Variants in FAM107A observed in about 807,000 individuals in gnomAD.
FAM107A encodes actin-associated protein FAM107A.
FAM107A carries 19 observed loss-of-function variants against 13.7 expected under a neutral mutation model. That is an observed-to-expected ratio of 1.38 (90% CI 0.97 to 2.03). The LOEUF (loss-of-function observed/expected upper bound fraction) is 2.03, where lower values mean the gene tolerates loss of function less well. Among genes scored for constraint, FAM107A ranks in the 30% most tolerant of loss-of-function variants. The probability of loss-of-function intolerance (pLI) is 0.00; values close to 1 mark genes in which losing one functional copy is unlikely to be tolerated. For synonymous variants in FAM107A, 82 were observed against 74.5 expected (o/e 1.10, Z -0.52); for missense variants, 203 against 184.4 (o/e 1.10, Z -0.58).
chr3:58,592,346 T>C (rs886446911), intron 1 of FAM107A, among the ~76,000 whole-genome samples: 23 of 152,140 alleles, frequency 1.5e-4, no homozygotes, highest in African/African-American at 5.1e-4. Flanking sequence ...CTCCCAGACC[T>C]GGAGTTCAAA....
chr3:58,594,270 C>T (rs1252132042), intron 1 of FAM107A, among the ~76,000 whole-genome samples: 4 of 152,180 alleles, frequency 2.6e-5, no homozygotes, highest in Admixed American at 6.5e-5. Context: ...TGGCTACCTT[C>T]CCCTTGTTCT....
chr3:58,566,582 C>G lies in FAM107A; in HGVS notation c.*6G>C. ...GTGGGCAGTGGCCTGAGCCCGGCAG[C>G]TGGCCCTACAGCTCTCTCTCTTCGC... On this transcript the variant is annotated 3_prime_UTR_variant, in exon 4 of 4. Transcript: ENST00000360997. 1 of 1,609,148 alleles carries G rather than the reference C, an allele frequency of 6.2e-7. No individual in the cohort carries two copies. The highest frequency in any genetic ancestry group is 8.5e-7 in the Non-Finnish European group (1 of 1,176,186).
rs760765096 is a variant in FAM107A at position 58,604,697 on chromosome 3, G to A, written c.-69-15428C>T. Among the ~76,000 whole-genome samples, 3 of 152,168 alleles carry A rather than the reference G, an allele frequency of 2.0e-5. No individual in the cohort carries two copies. The highest frequency in any genetic ancestry group is 4.4e-5 in the Non-Finnish European group (3 of 68,024). On this transcript the variant is annotated intron_variant, in intron 1 of 3. Coordinates refer to the FAM107A transcript ENST00000465970. The surrounding 1 kb of genome is among the most constrained non-coding windows in gnomAD (Gnocchi z 4.1). ...TTGCTCACACGGAGATAAGCAGCTG[G>A]CATTTGTTGGGCATCTACTATGTGC...
chr3:58,626,408 G>A (rs562984952), intron 1 of FAM107A, among the ~76,000 whole-genome samples: 2 of 152,274 alleles, frequency 1.3e-5, no homozygotes, highest in South Asian at 4.1e-4. Context: ...AACATGAATA[G>A]AATTCTAATA....
upstream of FAM107A, chr3:58,589,331 T>A (rs2065636247): frequency 3.6e-6 from 4 of 1,100,132 alleles, no homozygotes; most frequent in Admixed American, 8.0e-5. Context: ...GAGGGAGGGG[T>A]GATATATTCA....
At chr3:58,588,547 T>C (rs1400792613), upstream of FAM107A, among the ~76,000 whole-genome samples, 1 of 152,218 alleles carries the variant, frequency 6.6e-6, no homozygotes. Context: ...GCCAGACTGA[T>C]CATGTCTGTC....
In FAM107A at chr3:58,583,579, G is replaced by A. The variant is rs1182608892; in HGVS notation, c.79+3279C>T. On this transcript the variant is annotated intron_variant, in intron 1 of 3. Transcript: ENST00000447756. ...AGAGGTTGCAGTGAGCTGAGATCCC[G>A]CCATTGCACTCCACCCTGGGCAACA... is the stretch of plus-strand genomic sequence containing the variant. 2.6e-5 allele frequency among the ~76,000 whole-genome samples: 4 copies of A among 151,366 alleles called. No individual in the cohort carries two copies. The East Asian group carries it at 5.8e-4, about 22-fold the overall frequency.
chr3:58,598,545 C>T (rs1298775839), intron 1 of FAM107A, among the ~76,000 whole-genome samples: 1 of 152,228 alleles, frequency 6.6e-6, no homozygotes, highest in Non-Finnish European at 1.5e-5. Context: ...CATACCTGGA[C>T]TTGGTGCATG....
rs537699423 is a variant in FAM107A at position 58,596,633 on chromosome 3, C to T, written c.-69-7364G>A. On this transcript the variant is annotated intron_variant, in intron 1 of 3. Transcript: ENST00000465970. ...GGTGGAGGTTGCAGTGAGCCCAGAT[C>T]GTGCCACTGCACTCCAGCCTGGGTG... 1.2e-3 allele frequency among the ~76,000 whole-genome samples: 176 copies of T among 150,248 alleles called. 1 individual carries two copies. The highest frequency in any genetic ancestry group is 4.1e-3 in the African/African-American group (168 of 40,646).
chr3:58,608,248 G>T (rs1281663641), intron 1 of FAM107A, among the ~76,000 whole-genome samples: 1 of 151,898 alleles, frequency 6.6e-6, no homozygotes, highest in Non-Finnish European at 1.5e-5. Flanking sequence ...ATAAATAGTA[G>T]TTAAGAGTTA....
chr3:58,627,369 G>C (rs2066029293), intron 1 of FAM107A: 1 of 237,840 alleles, frequency 4.2e-6, no homozygotes, highest in South Asian at 1.1e-4. Context: ...CTCAGGCGCG[G>C]CGGGTGACCT....
At chr3:58,598,647 T>G (rs1004432325) in intron 1 of FAM107A, among the ~76,000 whole-genome samples, 3 of 152,220 alleles carry the variant, frequency 2.0e-5, no homozygotes, top group African/African-American at 7.2e-5. Context: ...ACAACTCAGT[T>G]GCATACACAT....
intron 1 of FAM107A, among the ~76,000 whole-genome samples, chr3:58,611,308 C>T (rs770531281): frequency 3.0e-4 from 45 of 152,240 alleles, no homozygotes; most frequent in Non-Finnish European, 5.9e-4. Context: ...ATCCCCTTCA[C>T]TCCCCACTCC....
At chr3:58,584,276 G>A (rs2065580131) in intron 1 of FAM107A, among the ~76,000 whole-genome samples, 1 of 152,196 alleles carries the variant, frequency 6.6e-6, no homozygotes. Context: ...AGGAGGGGCA[G>A]ATCTGTTTTA....
At chr3:58,616,487 G>A (rs544926935) in intron 1 of FAM107A, among the ~76,000 whole-genome samples, 4 of 150,964 alleles carry the variant, frequency 2.6e-5, no homozygotes, top group Non-Finnish European at 5.9e-5. Flanking sequence ...CATTAGGGTA[G>A]GCCCTAATTG....
At chr3:58,592,114 C>T (rs547314568) in intron 1 of FAM107A, among the ~76,000 whole-genome samples, 3 of 152,154 alleles carry the variant, frequency 2.0e-5, no homozygotes, top group East Asian at 1.9e-4. Flanking sequence ...GGAGAGTGTT[C>T]GTGGTTTGGA....
chr3:58,612,847 G>T (rs796240607), intron 1 of FAM107A, among the ~76,000 whole-genome samples: 1 of 152,060 alleles, frequency 6.6e-6, no homozygotes, highest in South Asian at 2.1e-4. Context: ...TCTCATCACC[G>T]CCCCCTTGCC....
upstream of FAM107A, among the ~76,000 whole-genome samples, chr3:58,587,717 A>T (rs1034427913): frequency 3.3e-5 from 5 of 152,078 alleles, no homozygotes; most frequent in Admixed American, 1.3e-4. Context: ...ATCAGAGATG[A>T]GTGGGCCAAT....
At chr3:58,581,695 G>T (rs1575445209), upstream of FAM107A, among the ~76,000 whole-genome samples, 1 of 152,322 alleles carries the variant, frequency 6.6e-6, no homozygotes, top group East Asian at 1.9e-4. Context: ...GGGATCTGTG[G>T]AGAGATTATA....
Sources: allele counts gnomAD v4.1 joint callset (sites outside exome capture counted in the v4.1 genomes callset), GRCh38; gene constraint gnomAD v4.1.1; non-coding constraint Gnocchi (gnomAD v3.1); transcripts MANE v1.5; gene names NCBI Gene and HGNC (gene_info 2026-07-23, HGNC 2026-07-21).